KLHL5: variants seen among roughly 807,000 people sequenced by gnomAD.
The protein encoded by KLHL5 is kelch-like protein 5.
Under a neutral mutation model 77.7 loss-of-function variants are expected in KLHL5, and 48 were observed. That is an observed-to-expected ratio of 0.62 (90% CI 0.49 to 0.79). The LOEUF is 0.79. KLHL5 is among the 30% of genes least tolerant of loss of function. KLHL5 has a pLI of 0.00. For synonymous variants in KLHL5, 260 were observed against 297.0 expected (o/e 0.88, Z 1.28); for missense variants, 723 against 859.7 (o/e 0.84, Z 1.99).
intron 1 of KLHL5, among the ~76,000 whole-genome samples, chr4:39,056,577 G>T (rs538382014): frequency 6.6e-6 from 1 of 152,054 alleles, no homozygotes; most frequent in Admixed American, 6.6e-5. Flanking sequence ...TTGTGGTATC[G>T]AGTGAATAGA....
intron 1 of KLHL5, among the ~76,000 whole-genome samples, chr4:39,048,638 CTTTTTTTTTTT>C (rs34713116): frequency 1.3e-5 from 1 of 79,134 alleles, no homozygotes; most frequent in Non-Finnish European, 2.2e-5. Flanking sequence ...TTTACATTGG[CTTTTTTTTTTT>C]TTTTTTTTTT....
intron 1 of KLHL5, among the ~76,000 whole-genome samples, chr4:39,064,275 A>G (rs970683540): frequency 2.0e-5 from 3 of 151,656 alleles, no homozygotes; most frequent in Non-Finnish European, 4.4e-5. Context: ...TTTAATTTAA[A>G]TTTTTTTTAA....
At chr4:39,069,678 T>C (rs1304213949) in intron 1 of KLHL5, among the ~76,000 whole-genome samples, 2 of 151,888 alleles carry the variant, frequency 1.3e-5, no homozygotes, top group Non-Finnish European at 2.9e-5. Flanking sequence ...AGTGTCCTTC[T>C]GGTATATTTT....
In KLHL5 at chr4:39,103,332, C is replaced by T. The variant is rs958690803; in HGVS notation, c.1346C>T (p.Thr449Ile). The change falls in exon 7 of 11, where the codon ACT (threonine) becomes ATT (isoleucine). Residue 449 changes from threonine to isoleucine, a missense_variant. Physicochemically the swap from Thr to Ile is moderately conservative, Grantham distance 89 (BLOSUM62 -1). This residue lies in a region of KLHL5 where 288 missense variants were observed against 400.3 expected (regional missense o/e 0.72). Coordinates refer to ENST00000504108, the MANE Select transcript of KLHL5 (RefSeq NM_015990.5). ...TATGATCTCCGTACAAATATGTGGACTCCAGTAGCAAATATGAATGGGAGG... is the reference window on the plus strand; with the variant it reads ...TATGATCTCCGTACAAATATGTGGATTCCAGTAGCAAATATGAATGGGAGG... ...EKYDLRTNMW[T>I]PVANMNGRRL... 1 of 1,614,018 alleles carries T rather than the reference C, an allele frequency of 6.2e-7. No individual in the cohort carries two copies. Among genetic ancestry groups the T allele is most frequent in the South Asian group, 1.1e-5 (1 of 91,068 alleles).
At chr4:39,049,373 CAATAAACATTT>C (rs1278332496) in intron 1 of KLHL5, among the ~76,000 whole-genome samples, 1 of 152,152 alleles carries the variant, frequency 6.6e-6, no homozygotes, top group Non-Finnish European at 1.5e-5. Context: ...TATGTCCATT[CAATAAACATTT>C]GTTGAATGTG....
intron 1 of KLHL5, among the ~76,000 whole-genome samples, chr4:39,071,306 T>C (rs1718450469): frequency 6.6e-6 from 1 of 152,160 alleles, no homozygotes; most frequent in Non-Finnish European, 1.5e-5. Flanking sequence ...AGTAAATCAC[T>C]TACCTAGAGA....
intron 8 of KLHL5, 37 bp from the exon 9 acceptor site, chr4:39,112,983 C>T (rs1553894862): frequency 3.2e-6 from 5 of 1,563,620 alleles, no homozygotes; most frequent in Non-Finnish European, 4.4e-6. Context: ...CATAATGGCA[C>T]ATGTCTTATT....
At chr4:39,115,847 G>C (rs189945788) in intron 10 of KLHL5, 1 of 1,013,922 alleles carries the variant, frequency 9.9e-7, no homozygotes, top group East Asian at 1.1e-4. Context: ...TCACCCTTGT[G>C]TATTTCTGGG....
intron 8 of KLHL5, among the ~76,000 whole-genome samples, chr4:39,111,315 G>A (rs930573199): frequency 2.6e-5 from 4 of 152,206 alleles, no homozygotes; most frequent in Non-Finnish European, 4.4e-5. Context: ...ATGAAATTCA[G>A]TTGGAGGTTA....
chr4:39,091,389 G>C (rs1196322562), intron 5 of KLHL5, among the ~76,000 whole-genome samples: 1 of 150,402 alleles, frequency 6.6e-6, no homozygotes, highest in African/African-American at 2.4e-5. Flanking sequence ...GCTTCTCAAA[G>C]TACTGTGATT....
At chr4:39,096,179 CA>C (rs950430728) in intron 5 of KLHL5, among the ~76,000 whole-genome samples, 2 of 151,870 alleles carry the variant, frequency 1.3e-5, no homozygotes, top group Non-Finnish European at 2.9e-5. Flanking sequence ...TTCAGTGACA[CA>C]AAAGGGATTT....
At chr4:39,058,955 A>C (rs1717185775), upstream of KLHL5, among the ~76,000 whole-genome samples, 1 of 152,160 alleles carries the variant, frequency 6.6e-6, no homozygotes, top group African/African-American at 2.4e-5. Flanking sequence ...CTATGAAAAA[A>C]ATTAGGAGGG....
At chr4:39,078,564 G>A (rs1264259494) in intron 2 of KLHL5, among the ~76,000 whole-genome samples, 9 of 151,652 alleles carry the variant, frequency 5.9e-5, no homozygotes, top group Non-Finnish European at 8.8e-5. Context: ...GCGTGGTGGC[G>A]TGAACCTGTA....
At chr4:39,070,252 G>C (rs1249412381) in intron 1 of KLHL5, among the ~76,000 whole-genome samples, 1 of 152,086 alleles carries the variant, frequency 6.6e-6, no homozygotes, top group Non-Finnish European at 1.5e-5. Flanking sequence ...GGGAATGTGT[G>C]GTTTCCCAAA....
upstream of KLHL5, among the ~76,000 whole-genome samples, chr4:39,060,950 A>G (rs1247161991): frequency 6.6e-6 from 1 of 152,230 alleles, no homozygotes; most frequent in Non-Finnish European, 1.5e-5. Flanking sequence ...TTAATTTGGT[A>G]TGGCTGGCTG....
chr4:39,112,339 T>G (rs1379483140), intron 8 of KLHL5, among the ~76,000 whole-genome samples: 2 of 152,220 alleles, frequency 1.3e-5, no homozygotes, highest in South Asian at 4.1e-4. Flanking sequence ...ACATAACAAA[T>G]GTTACTTTTT....
chr4:39,101,167 A>ATCT (rs1308794986), intron 6 of KLHL5, among the ~76,000 whole-genome samples: 1 of 98,808 alleles, frequency 1.0e-5, no homozygotes, highest in African/African-American at 4.3e-5. Flanking sequence ...ACTGTGTTTT[A>ATCT]ATATCTTTAT....
chr4:39,136,576 G>T, the KLHL5 span, among the ~76,000 whole-genome samples: 1 of 152,190 alleles, frequency 6.6e-6, no homozygotes, highest in Non-Finnish European at 1.5e-5. Flanking sequence ...TCCAAGCAGG[G>T]TGAAGAGGGT....
At position 39,081,156 on chromosome 4, in the gene KLHL5, T is replaced by A; in HGVS notation, c.620T>A (p.Val207Asp). Residue 207 changes from valine to aspartate, a missense_variant, in exon 3 of 11, where the codon GTC becomes GAC. By Grantham distance (152) the Val-to-Asp change is radical (BLOSUM62 -3). Around this residue, in one of 3 missense-constraint regions of KLHL5, gnomAD observed 288 missense variants for 400.3 expected, o/e 0.72. Transcript: ENST00000504108. The surrounding 1 kb of genome is among the most constrained non-coding windows in gnomAD (Gnocchi z 4.3). ...DYFAAMFTNDVREARQEEIKM... is the reference protein window; with the variant it reads ...DYFAAMFTNDDREARQEEIKM... Reference sequence around the variant, plus strand: ...TTTGCTGCCATGTTTACTAATGATGTCAGAGAGGCAAGACAAGAAGAAATA... The same window carrying A: ...TTTGCTGCCATGTTTACTAATGATGACAGAGAGGCAAGACAAGAAGAAATA... 6.2e-7 allele frequency: 1 copy of A among 1,613,014 alleles called. No individual in the cohort carries two copies.
Sources: gnomAD v4.1 joint callset for allele counts (sites outside exome capture counted in the v4.1 genomes callset) on GRCh38, gnomAD v4.1.1 for gene constraint, gnomAD v4.1.1 regional missense constraint, Gnocchi (gnomAD v3.1) non-coding constraint, MANE v1.5 for transcripts, NCBI Gene and HGNC (gene_info 2026-07-23, HGNC 2026-07-21) for gene names.